The following E2F4 variants were observed in gnomAD, a reference collection of about 807,000 sequenced individuals.
E2F4 encodes transcription factor E2F4.
A neutral mutation model predicts 44.5 loss-of-function variants in E2F4; 16 were observed. The observed-to-expected ratio is 0.36, with a 90% confidence interval of 0.24 to 0.55. The LOEUF (loss-of-function observed/expected upper bound fraction) is 0.55, where lower values mean the gene tolerates loss of function less well. E2F4 is among the 20% of genes least tolerant of loss of function. The pLI, the probability that E2F4 is intolerant of heterozygous loss-of-function variation, is 0.87. For missense variants in E2F4, 473 were observed against 522.1 expected, an observed-to-expected ratio of 0.91 and a Z score of 0.92; for synonymous variants, 242 against 207.2, an observed-to-expected ratio of 1.17 and a Z score of -1.44.
At chr16:67,195,250 T>C (rs1443208143) in intron 6 of E2F4, among the ~76,000 whole-genome samples, 2 of 152,236 alleles carry the variant, frequency 1.3e-5, no homozygotes, top group Non-Finnish European at 2.9e-5. Flanking sequence ...TTTTCCTGCC[T>C]TAGCCTCCTG....
In E2F4 at chr16:67,198,761, T is replaced by G; in HGVS notation, c.*638T>G. On this transcript the variant is annotated 3_prime_UTR_variant, in exon 10 of 10. Transcript: ENST00000379378. ...CATAACCCTCTCTTCATTTCGGCTT[T>G]TTCATTTACCCTCATTTAGAGCCAT... is the stretch of plus-strand genomic sequence containing the variant. 5.2e-6 allele frequency: 1 copy of G among 192,398 alleles called. No individual in the cohort carries two copies. Among genetic ancestry groups the G allele is most frequent in the Non-Finnish European group, 1.1e-5 (1 of 93,170 alleles). The allele number at this position is 192,398 out of a possible 1,614,324, so 11.9% of individuals were successfully genotyped here. A position where few individuals can be genotyped will look rare whatever the true frequency, so the allele number is the denominator to read the frequency against.
chr16:67,196,515 C>G (rs964295028), intron 7 of E2F4, among the ~76,000 whole-genome samples: 2 of 152,158 alleles, frequency 1.3e-5, no homozygotes, highest in African/African-American at 4.8e-5. Flanking sequence ...CAGCTTTTGG[C>G]TCTCCTATCT....
rs1260965431 is a variant in E2F4, at chr16:67,195,947, G to T, written c.974G>T (p.Ser325Ile). The T allele has an allele frequency of 1.2e-6, 2 of 1,613,536 alleles. No individual in the cohort carries two copies. Among genetic ancestry groups the T allele is most frequent in the Non-Finnish European group, 8.5e-7 (1 of 1,179,830 alleles). The change falls in exon 7 of 10, where the codon AGT (serine) becomes ATT (isoleucine). Residue 325 changes from serine to isoleucine, a missense_variant. Ser to Ile is a moderately radical substitution (Grantham distance 142, BLOSUM62 -2). Coordinates refer to ENST00000379378, the MANE Select transcript of E2F4 (RefSeq NM_001950.4). ...AGCAGCAGCAACAGTAACAGCAGCA[G>T]TTCGTCCGGACCCAACCCTTCTACC... ...SSSSSNSNSSSSSGPNPSTSF... is the reference protein window; with the variant it reads ...SSSSSNSNSSISSGPNPSTSF...
chr16:67,192,773 C>G lies in E2F4; in HGVS notation c.148C>G (p.Leu50Val), dbSNP rs1024272613. The change falls in exon 2 of 10, where the codon CTA becomes GTA. Residue 50 changes from leucine to valine, a missense_variant. By Grantham distance (32) the Leu-to-Val change is conservative. Around this residue, in one of 3 missense-constraint regions of E2F4, gnomAD observed 119 missense variants for 175.6 expected, o/e 0.68. Coordinates refer to ENST00000379378, the MANE Select transcript of E2F4 (RefSeq NM_001950.4). ...VLDLKLAADTLAVRQKRRIYD... is the reference protein window; with the variant it reads ...VLDLKLAADTVAVRQKRRIYD... ...TTCTCTCTGCCAGGCAGCTGACACC[C>G]TAGCTGTACGCCAGAAGCGGCGGAT... 6.2e-7 allele frequency: 1 copy of G among 1,611,142 alleles called. No homozygotes were observed. The highest frequency in any genetic ancestry group is 8.5e-7 in the Non-Finnish European group (1 of 1,178,554).
At chr16:67,197,105 G>T (rs2142214052) in intron 7 of E2F4, among the ~76,000 whole-genome samples, 1 of 152,286 alleles carries the variant, frequency 6.6e-6, no homozygotes, top group East Asian at 1.9e-4. Flanking sequence ...CTGAACTCCT[G>T]AGCCTGGCAT....
intron 6 of E2F4, chr16:67,195,581 T>C: frequency 1.8e-6 from 2 of 1,137,020 alleles, no homozygotes; most frequent in South Asian, 3.2e-5. Context: ...TGACCACGAG[T>C]CTTCTTCTGT....
chr16:67,197,976 G>A, intron 9 of E2F4, 32 bp from the exon 10 acceptor site: 1 of 1,613,772 alleles, frequency 6.2e-7, no homozygotes, highest in Non-Finnish European at 8.5e-7. Flanking sequence ...GGGGAGCCCT[G>A]GCCCAGGGCC....
At chr16:67,193,596 A>C in intron 4 of E2F4, 81 bp downstream of exon 4, 1 of 1,484,114 alleles carries the variant, frequency 6.7e-7, no homozygotes, top group Non-Finnish European at 9.4e-7. Flanking sequence ...GTCTTAGGAG[A>C]GTTCTGTCTC....
rs1486676653 is a variant in E2F4 at position 67,198,646 on chromosome 16, G to A, written c.*523G>A. 1 of 171,838 alleles carries A rather than the reference G, an allele frequency of 5.8e-6. No individual in the cohort carries two copies. Among genetic ancestry groups the A allele is most frequent in the African/African-American group, 2.4e-5 (1 of 41,684 alleles). 10.6% of individuals were successfully genotyped at this position (171,838 alleles called of 1,614,324 possible). ...GCCTTTAGCCCTAGAACCTGCAGGT[G>A]GTGGGGGCGGCTACCAAGAAGGAAC... On this transcript the variant is annotated 3_prime_UTR_variant, in exon 10 of 10. Coordinates refer to ENST00000379378, the MANE Select transcript of E2F4 (RefSeq NM_001950.4).
chr16:67,193,384 T>A, intron 3 of E2F4, 88 bp from the exon 4 acceptor site: 1 of 1,557,640 alleles, frequency 6.4e-7, no homozygotes, highest in Non-Finnish European at 8.9e-7. Flanking sequence ...AGGGCCTGTG[T>A]GTCAGACCTT....
At position 67,195,890 on chromosome 16, in the gene E2F4, A is replaced by ACAG. The variant is rs3830472; in HGVS notation, c.956_958dup (p.Ser319dup). 46,973 of 1,607,940 alleles carry ACAG rather than the reference A, an allele frequency of 0.029. 161 individuals are homozygous for ACAG. The highest frequency in any genetic ancestry group is 0.057 in the Admixed American group (3,419 of 59,688). On this transcript the variant is annotated inframe_insertion, in exon 7 of 10. Coordinates refer to ENST00000379378, the MANE Select transcript of E2F4 (RefSeq NM_001950.4). ...CCACTGCAGTCTTCTGCCCTGCTGG[A>ACAG]CAGCAGCAGCAGCAGCAGCAGCAGC...
At chr16:67,192,952 G>C (rs2032910550) in intron 2 of E2F4, 57 bp from the exon 3 acceptor site, 4 of 1,560,930 alleles carry the variant, frequency 2.6e-6, no homozygotes, top group Non-Finnish European at 3.5e-6. Flanking sequence ...AAGAAGGCAG[G>C]GGCCATGGGA....
intron 5 of E2F4, 42 bp downstream of exon 5, chr16:67,194,501 G>A (rs756507860): frequency 4.2e-5 from 67 of 1,610,854 alleles, no homozygotes; most frequent in Non-Finnish European, 3.2e-5. Flanking sequence ...CTGAGGGCGG[G>A]TGCTGGCTGT....
rs780543618 is a variant in E2F4, at chr16:67,198,015, C to T, written c.1134C>T (p.Ala378=). The change falls in exon 10 of 10, where the codon GCC becomes GCT. Residue 378 remains alanine (A), a synonymous_variant. Transcript: ENST00000379378. ...GACTAGTGCTCTCTGCAGTGTTTGCCCCTCTGCTTCGTCTTTCTCCACCCC... is the reference window on the plus strand; with the variant it reads ...GACTAGTGCTCTCTGCAGTGTTTGCTCCTCTGCTTCGTCTTTCTCCACCCC... ...LEELMSSEVF[A]PLLRLSPPPG... is the part of the protein sequence containing the mutation. The T allele has an allele frequency of 1.9e-5, 31 of 1,613,956 alleles. No individual in the cohort carries two copies. In the African/African-American group the frequency reaches 2.5e-4, roughly 13 times the overall value.
chr16:67,192,754 C>T lies in E2F4; in HGVS notation c.136-7C>T, dbSNP rs374051976. 102 of 1,606,186 alleles carry T rather than the reference C, an allele frequency of 6.4e-5. 1 individual carries two copies. The African/African-American group carries it at 1.3e-3, about 20-fold the overall frequency. On this transcript the variant is annotated splice_polypyrimidine_tract_variant and splice_region_variant and intron_variant, in intron 1 of 9. Coordinates refer to ENST00000379378, the MANE Select transcript of E2F4 (RefSeq NM_001950.4). ...TGGGGCTGAGCATTCTCCATTCTCT[C>T]TGCCAGGCAGCTGACACCCTAGCTG...
intron 1 of E2F4, 27 bp from the exon 2 acceptor site, chr16:67,192,734 C>T (rs1567687408): frequency 6.3e-7 from 1 of 1,587,804 alleles, no homozygotes; most frequent in African/African-American, 1.3e-5. Flanking sequence ...CAGAGTGGGG[C>T]TGAGCATTCT....
intron 4 of E2F4, 85 bp from the exon 5 acceptor site, chr16:67,194,310 TCTC>T (rs2032932825): frequency 2.1e-6 from 3 of 1,436,496 alleles, no homozygotes; most frequent in Non-Finnish European, 9.7e-7. Flanking sequence ...GGGACCGTGA[TCTC>T]CTGCCTTGCT....
chr16:67,194,081 G>T (rs1455970419), intron 4 of E2F4: 4 of 362,932 alleles, frequency 1.1e-5, no homozygotes, highest in South Asian at 8.2e-5. Flanking sequence ...GTATGCTCCT[G>T]ACTGGTCATG....
At chr16:67,197,570 G>T (rs761692438) in intron 7 of E2F4, 29 bp from the exon 8 acceptor site, 1 of 1,613,856 alleles carries the variant, frequency 6.2e-7, no homozygotes, top group Non-Finnish European at 8.5e-7. Flanking sequence ...GGACCTCTGT[G>T]CCCTGAGCAT....
Sources: allele counts gnomAD v4.1 joint callset (sites outside exome capture counted in the v4.1 genomes callset), GRCh38; gene constraint gnomAD v4.1.1; regional missense constraint gnomAD v4.1.1; transcripts MANE v1.5; gene names NCBI Gene and HGNC (gene_info 2026-07-23, HGNC 2026-07-21).